The following WWOX variants were observed in gnomAD, a reference collection of about 807,000 sequenced individuals.
WWOX encodes the protein WW domain-containing oxidoreductase.
WWOX carries 69 observed loss-of-function variants against 46.2 expected under a neutral mutation model. That is an observed-to-expected ratio of 1.49 (90% CI 1.23 to 1.82). The LOEUF (loss-of-function observed/expected upper bound fraction) is 1.82, where lower values mean the gene tolerates loss of function less well. Ranked by LOEUF, WWOX falls within the 40% of genes most tolerant of loss-of-function variation. The pLI, the probability that WWOX is intolerant of heterozygous loss-of-function variation, is 0.00. For missense variants in WWOX, 919 were observed against 542.6 expected, an observed-to-expected ratio of 1.69 and a Z score of -6.89; for synonymous variants, 359 against 202.6, an observed-to-expected ratio of 1.77 and a Z score of -6.56.
chr16:78,755,100 C>G (rs191946124), intron 8 of WWOX, among the ~76,000 whole-genome samples: 3 of 150,204 alleles, frequency 2.0e-5, no homozygotes, highest in Admixed American at 1.3e-4. Flanking sequence ...CTAATGCATG[C>G]GGGGCTTAAA....
intron 8 of WWOX, among the ~76,000 whole-genome samples, chr16:78,822,977 T>C (rs2051545563): frequency 6.6e-6 from 1 of 152,020 alleles, no homozygotes; most frequent in Non-Finnish European, 1.5e-5. Flanking sequence ...CTTCGTGTTG[T>C]TTGTAAATTT....
intron 6 of WWOX, among the ~76,000 whole-genome samples, chr16:78,392,187 G>A (rs774713039): frequency 9.2e-5 from 14 of 151,890 alleles, no homozygotes; most frequent in African/African-American, 1.9e-4. Flanking sequence ...GCTTAGAGCC[G>A]CTCTCTGTCA....
intron 8 of WWOX, among the ~76,000 whole-genome samples, chr16:79,176,700 T>C (rs1037955871): frequency 2.0e-5 from 3 of 152,178 alleles, no homozygotes; most frequent in East Asian, 1.9e-4. Flanking sequence ...CATTTTATGA[T>C]AGAATACAAA....
chr16:78,488,027 A>ACT (rs2084683071), intron 8 of WWOX, among the ~76,000 whole-genome samples: 1 of 152,142 alleles, frequency 6.6e-6, no homozygotes, highest in Non-Finnish European at 1.5e-5. Flanking sequence ...AATAAGTGGA[A>ACT]CTGGGACCTC....
In WWOX at chr16:78,580,742, A is replaced by C. The variant is rs150517487; in HGVS notation, c.1056+147990A>C. Among the ~76,000 whole-genome samples, 323 of 152,340 alleles carry C rather than the reference A, an allele frequency of 2.1e-3. 2 individuals are homozygous for C. Among genetic ancestry groups the C allele is most frequent in the African/African-American group, 7.5e-3 (311 of 41,588 alleles). ...ACTGCAGTGGTGAGAAAATGGCGAC[A>C]AAGATTAGTCTTCTGTGAGAAGTCT... On this transcript the variant is annotated intron_variant, in intron 8 of 8. Transcript: ENST00000566780.
intron 8 of WWOX, among the ~76,000 whole-genome samples, chr16:79,151,659 G>C (rs2050281468): frequency 6.8e-6 from 1 of 147,472 alleles, no homozygotes; most frequent in African/African-American, 2.6e-5. Flanking sequence ...GCAGATCAGG[G>C]GTGCTAGAGG....
intron 5 of WWOX, among the ~76,000 whole-genome samples, chr16:78,351,601 T>A (rs2081185440): frequency 6.6e-6 from 1 of 152,206 alleles, no homozygotes; most frequent in African/African-American, 2.4e-5. Flanking sequence ...GCGGAGCAGA[T>A]GCTGGCTCTA....
intron 5 of WWOX, among the ~76,000 whole-genome samples, chr16:78,202,059 C>G (rs532107437): frequency 6.6e-6 from 1 of 152,064 alleles, no homozygotes; most frequent in Admixed American, 6.6e-5. Flanking sequence ...CACCCCTTTC[C>G]TTTCCCAAAC....
intron 8 of WWOX, among the ~76,000 whole-genome samples, chr16:78,675,598 C>T (rs574408997): frequency 5.2e-4 from 79 of 152,240 alleles, no homozygotes; most frequent in African/African-American, 1.8e-3. Context: ...AAAAGACTCC[C>T]GCCCTACTGC....
At chr16:78,727,581 C>T (rs747408708) in intron 8 of WWOX, among the ~76,000 whole-genome samples, 34 of 152,164 alleles carry the variant, frequency 2.2e-4, no homozygotes, top group Non-Finnish European at 4.6e-4. Flanking sequence ...CGTGGGGGCC[C>T]TGGTGCTACT....
At chr16:78,727,490 T>G (rs749923431) in intron 8 of WWOX, among the ~76,000 whole-genome samples, 1 of 152,070 alleles carries the variant, frequency 6.6e-6, no homozygotes, top group African/African-American at 2.4e-5. Context: ...GGTACGTGTT[T>G]CCTAGCCCAT....
chr16:78,478,253 C>G (rs1349736040), intron 8 of WWOX, among the ~76,000 whole-genome samples: 1 of 152,078 alleles, frequency 6.6e-6, no homozygotes, highest in African/African-American at 2.4e-5. Flanking sequence ...TATTTATGGC[C>G]TATTCCATTC....
chr16:78,909,971 C>T (rs1009889042), intron 8 of WWOX, among the ~76,000 whole-genome samples: 8 of 152,272 alleles, frequency 5.3e-5, no homozygotes, highest in Non-Finnish European at 1.0e-4. Context: ...TAAAAGAATG[C>T]AATTCCACCT....
intron 8 of WWOX, among the ~76,000 whole-genome samples, chr16:78,860,004 T>C (rs1345633819): frequency 6.6e-6 from 1 of 152,216 alleles, no homozygotes; most frequent in East Asian, 1.9e-4. Context: ...ATGCCTTAGA[T>C]AAATAGCATT....
intron 4 of WWOX, among the ~76,000 whole-genome samples, chr16:78,130,616 G>C (rs931824541): frequency 6.6e-6 from 1 of 152,222 alleles, no homozygotes. Context: ...TCCATGGTCA[G>C]TTTACCTGCC....
intron 8 of WWOX, among the ~76,000 whole-genome samples, chr16:78,584,333 G>T (rs2045140136): frequency 6.6e-6 from 1 of 152,202 alleles, no homozygotes; most frequent in Non-Finnish European, 1.5e-5. Context: ...AGATGAAGGT[G>T]TTTGCATTTT....
At chr16:78,469,615 A>G (rs1352236060) in intron 8 of WWOX, among the ~76,000 whole-genome samples, 1 of 152,240 alleles carries the variant, frequency 6.6e-6, no homozygotes, top group African/African-American at 2.4e-5. Flanking sequence ...CAAACTTGAA[A>G]AGCATAGCAG....
At chr16:79,055,145 C>T (rs1423134791) in intron 8 of WWOX, among the ~76,000 whole-genome samples, 2 of 152,196 alleles carry the variant, frequency 1.3e-5, no homozygotes, top group Admixed American at 6.5e-5. Flanking sequence ...AAAAAACATT[C>T]CTCCTCAGAT....
chr16:78,798,204 A>G (rs62038634), intron 8 of WWOX, among the ~76,000 whole-genome samples: 5,603 of 152,264 alleles, frequency 0.037, 130 homozygotes, highest in Non-Finnish European at 0.052. Context: ...GTGAGCAAGA[A>G]AGGATAGCCT....
Sources: gnomAD v4.1 joint callset for allele counts (sites outside exome capture counted in the v4.1 genomes callset) on GRCh38, gnomAD v4.1.1 for gene constraint, MANE v1.5 for transcripts, NCBI Gene and HGNC (gene_info 2026-07-23, HGNC 2026-07-21) for gene names.